Variants in CERS3 observed in about 807,000 individuals in gnomAD.
CERS3 encodes ceramide synthase 3.
Under a neutral mutation model 50.3 loss-of-function variants are expected in CERS3, and 33 were observed. The observed-to-expected ratio is 0.66, with a 90% confidence interval of 0.50 to 0.88. The LOEUF (loss-of-function observed/expected upper bound fraction) is 0.88, where lower values mean the gene tolerates loss of function less well. CERS3 is among the 40% of genes least tolerant of loss of function. The probability of loss-of-function intolerance (pLI) is 0.00; values close to 1 mark genes in which losing one functional copy is unlikely to be tolerated. For missense variants in CERS3, 470 were observed against 460.3 expected (o/e 1.02, Z -0.19); for synonymous variants, 176 against 155.2 (o/e 1.13, Z -0.99).
At chr15:100,413,764 G>T (rs1348199481) in intron 11 of CERS3, among the ~76,000 whole-genome samples, 2 of 78,722 alleles carry the variant, frequency 2.5e-5, no homozygotes, top group East Asian at 3.9e-4. Context: ...CAACCCCACA[G>T]AAATACAAGA....
At chr15:100,502,942 G>C (rs2036057033) in intron 2 of CERS3, among the ~76,000 whole-genome samples, 1 of 152,190 alleles carries the variant, frequency 6.6e-6, no homozygotes, top group South Asian at 2.1e-4. Context: ...CATAAGCCAG[G>C]AAAGGCAGGA....
At chr15:100,416,710 G>A (rs1041058560) in intron 11 of CERS3, among the ~76,000 whole-genome samples, 2 of 152,082 alleles carry the variant, frequency 1.3e-5, no homozygotes, top group Non-Finnish European at 2.9e-5. Context: ...AACAGCATAG[G>A]GCAAACTGCT....
At chr15:100,414,123 C>A (rs1379360381) in intron 11 of CERS3, among the ~76,000 whole-genome samples, 2 of 152,014 alleles carry the variant, frequency 1.3e-5, no homozygotes, top group African/African-American at 2.4e-5. Context: ...ATACCAAAAC[C>A]TGACAGAAAC....
At chr15:100,417,894 C>T (rs1023150411) in intron 11 of CERS3, among the ~76,000 whole-genome samples, 3 of 152,002 alleles carry the variant, frequency 2.0e-5, no homozygotes, top group African/African-American at 7.3e-5. Context: ...GGAAAACTAA[C>T]AAACAGAAAG....
At chr15:100,445,894 T>C (rs1051899264) in intron 11 of CERS3, among the ~76,000 whole-genome samples, 5 of 152,174 alleles carry the variant, frequency 3.3e-5, no homozygotes, top group Admixed American at 6.5e-5. Flanking sequence ...CTGATGACAG[T>C]CCACCACAAA....
chr15:100,505,024 C>T (rs866219560), intron 2 of CERS3, among the ~76,000 whole-genome samples: 13 of 152,200 alleles, frequency 8.5e-5, no homozygotes, highest in South Asian at 2.1e-4. Context: ...CTGTAATGGA[C>T]AAAGCTTGTG....
intron 1 of CERS3, among the ~76,000 whole-genome samples, chr15:100,525,625 T>C (rs2036764329): frequency 6.6e-6 from 1 of 152,250 alleles, no homozygotes. Context: ...GTTACAGTTT[T>C]GTTACAAGGT....
At chr15:100,453,927 A>G (rs1419829286) in intron 11 of CERS3, among the ~76,000 whole-genome samples, 3 of 152,356 alleles carry the variant, frequency 2.0e-5, no homozygotes, top group African/African-American at 7.2e-5. Flanking sequence ...AATTTAACCA[A>G]GGAGGTAAAA....
At chr15:100,540,717 C>T (rs1255845947) in intron 1 of CERS3, among the ~76,000 whole-genome samples, 2 of 152,200 alleles carry the variant, frequency 1.3e-5, no homozygotes, top group Non-Finnish European at 2.9e-5. Flanking sequence ...TGTGCGCGTA[C>T]AGGTATGTGT....
rs190313521 is a variant in CERS3, at chr15:100,436,586, T to A, written c.999+19307A>T. On this transcript the variant is annotated intron_variant, in intron 11 of 11. Coordinates refer to ENST00000679737, the MANE Select transcript of CERS3 (RefSeq NM_001378789.1). Reference sequence around the variant, plus strand: ...CAAACTACCATGGCACATGTATACATATATAACAAACCTGCATGTTCTGCA... The same window carrying A: ...CAAACTACCATGGCACATGTATACAAATATAACAAACCTGCATGTTCTGCA... Among the ~76,000 whole-genome samples, 577 of 152,222 alleles carry A rather than the reference T, an allele frequency of 3.8e-3. 1 individual carries two copies. Among genetic ancestry groups the A allele is most frequent in the Non-Finnish European group, 6.1e-3 (416 of 68,014 alleles).
chr15:100,432,063 C>A (rs919932746), intron 11 of CERS3, among the ~76,000 whole-genome samples: 1 of 74,046 alleles, frequency 1.4e-5, no homozygotes, highest in Non-Finnish European at 3.0e-5. Flanking sequence ...TTTAATAGGC[C>A]CTCTTTTGTT....
At chr15:100,418,294 C>G (rs991095263) in intron 11 of CERS3, among the ~76,000 whole-genome samples, 10 of 151,928 alleles carry the variant, frequency 6.6e-5, no homozygotes, top group Non-Finnish European at 1.5e-4. Flanking sequence ...GCAGAAGCCT[C>G]AGAAGCCGAT....
intron 11 of CERS3, among the ~76,000 whole-genome samples, chr15:100,452,765 GA>G (rs1308872373): frequency 6.6e-6 from 1 of 151,548 alleles, no homozygotes; most frequent in Admixed American, 6.6e-5. Flanking sequence ...GACTGACCAA[GA>G]AAAAAGGAGA....
At chr15:100,504,297 G>T (rs2036106992) in intron 2 of CERS3, among the ~76,000 whole-genome samples, 1 of 141,514 alleles carries the variant, frequency 7.1e-6, no homozygotes, top group South Asian at 2.2e-4. Context: ...AGGCTGGAGT[G>T]CAATGGCGTG....
intron 11 of CERS3, among the ~76,000 whole-genome samples, chr15:100,430,577 A>G (rs1490545732): frequency 1.9e-4 from 29 of 152,192 alleles, no homozygotes; most frequent in Non-Finnish European, 1.5e-5. Flanking sequence ...AGCCCAGAAG[A>G]TTGTGAATTA....
intron 11 of CERS3, among the ~76,000 whole-genome samples, chr15:100,453,801 T>C (rs908968387): frequency 3.9e-5 from 6 of 152,074 alleles, no homozygotes; most frequent in African/African-American, 1.4e-4. Context: ...TTCAGTAAAG[T>C]TACAGGATAC....
In CERS3 at chr15:100,480,708, A is replaced by G. The variant is rs1319009147; in HGVS notation, c.408-662T>C. On this transcript the variant is annotated intron_variant, in intron 5 of 11. Transcript: ENST00000679737. Reference sequence around the variant, plus strand: ...GAATATTTTCTATTATTAAGTAAAAATCTTTTATTAAATAAAAAATCATAA... The same window carrying G: ...GAATATTTTCTATTATTAAGTAAAAGTCTTTTATTAAATAAAAAATCATAA... 4.6e-5 allele frequency among the ~76,000 whole-genome samples: 7 copies of G among 152,336 alleles called. No individual in the cohort carries two copies. The East Asian group carries it at 1.3e-3, about 29-fold the overall frequency.
At chr15:100,479,948 T>G (rs891143364) in intron 6 of CERS3, 41 bp downstream of exon 6, 65 of 1,484,204 alleles carry the variant, frequency 4.4e-5, no homozygotes, top group Non-Finnish European at 6.0e-5. Context: ...TTTCAAAAAT[T>G]AAAGACAAAT....
chr15:100,460,317 C>G (rs566876770), intron 10 of CERS3, among the ~76,000 whole-genome samples: 9 of 152,262 alleles, frequency 5.9e-5, no homozygotes, highest in African/African-American at 1.9e-4. Flanking sequence ...TAAACCATTA[C>G]TGAGCACCTA....
Sources: gnomAD v4.1 joint callset for allele counts (sites outside exome capture counted in the v4.1 genomes callset) on GRCh38, gnomAD v4.1.1 for gene constraint, MANE v1.5 for transcripts, NCBI Gene and HGNC (gene_info 2026-07-23, HGNC 2026-07-21) for gene names.